PFKFB3: variants seen among roughly 807,000 people sequenced by gnomAD.
PFKFB3 encodes the protein 6-phosphofructo-2-kinase/fructose-2,6-biphosphatase 3.
PFKFB3 carries 33 observed loss-of-function variants against 68.0 expected under a neutral mutation model. That is an observed-to-expected ratio of 0.49 (90% CI 0.37 to 0.65). The LOEUF (loss-of-function observed/expected upper bound fraction) is 0.65. Ranked by LOEUF, PFKFB3 falls within the 30% of genes least tolerant of loss-of-function variation. PFKFB3 has a pLI of 0.00. For missense variants in PFKFB3, 586 were observed against 712.2 expected, an observed-to-expected ratio of 0.82 and a Z score of 2.02; for synonymous variants, 315 against 288.2, an observed-to-expected ratio of 1.09 and a Z score of -0.94.
At chr10:6,256,306 A>T (rs994655089), downstream of PFKFB3, among the ~76,000 whole-genome samples, 1 of 152,190 alleles carries the variant, frequency 6.6e-6, no homozygotes, top group African/African-American at 2.4e-5. Flanking sequence ...GTTTTGGGAT[A>T]GGAAGTGGCA....
At chr10:6,283,825 G>A in the PFKFB3 span, among the ~76,000 whole-genome samples, 16 of 152,156 alleles carry the variant, frequency 1.1e-4, no homozygotes, top group East Asian at 1.9e-3. Context: ...AGCGAACACT[G>A]CAGGCAGGAT....
the PFKFB3 span, among the ~76,000 whole-genome samples, chr10:6,317,572 T>TGAGTTTGAGCTCTCA: frequency 6.6e-6 from 1 of 152,174 alleles, no homozygotes; most frequent in Admixed American, 6.5e-5. Context: ...GAGTTATTCA[T>TGAGTTTGAGCTCTCA]GAGTTTGAGC....
the PFKFB3 span, among the ~76,000 whole-genome samples, chr10:6,298,616 T>C: frequency 2.0e-5 from 3 of 152,182 alleles, no homozygotes; most frequent in Admixed American, 6.5e-5. Context: ...TCCTCCTGCC[T>C]CGGCCTCCCA....
At chr10:6,223,927 TCTAA>T in intron 11 of PFKFB3, 27 bp from the exon 12 acceptor site, 1 of 1,605,192 alleles carries the variant, frequency 6.2e-7, no homozygotes, top group South Asian at 1.1e-5. Flanking sequence ...GTGTCTCATT[TCTAA>T]CTGTGGGTGT....
At chr10:6,231,614 G>A (rs1455570028) in intron 14 of PFKFB3, 2 of 982,976 alleles carry the variant, frequency 2.0e-6, no homozygotes, top group African/African-American at 3.5e-5. Context: ...AGGACAGGTT[G>A]GAGCCAGCAG....
the PFKFB3 span, among the ~76,000 whole-genome samples, chr10:6,274,315 C>T: frequency 7.2e-3 from 1,091 of 152,270 alleles, 4 homozygotes; most frequent in Middle Eastern, 0.017. Context: ...TGTGCTGTAG[C>T]CCCTCTGGTC....
At chr10:6,168,904 G>A (rs561240641) in intron 1 of PFKFB3, among the ~76,000 whole-genome samples, 18 of 152,240 alleles carry the variant, frequency 1.2e-4, no homozygotes, top group South Asian at 4.2e-4. Context: ...GTGGTCCTTC[G>A]TTGAATGCCT....
chr10:6,304,669 T>C, the PFKFB3 span, among the ~76,000 whole-genome samples: 9,014 of 148,740 alleles, frequency 0.061, 825 homozygotes, highest in East Asian at 0.4. Flanking sequence ...CTATTCTAAA[T>C]TAAAAATATT....
At chr10:6,181,796 TAAAA>T (rs60557537) in intron 1 of PFKFB3, among the ~76,000 whole-genome samples, 80 of 114,154 alleles carry the variant, frequency 7.0e-4, no homozygotes, top group Non-Finnish European at 9.3e-4. Flanking sequence ...AGACTCCGTT[TAAAA>T]AAAAAAAAAA....
chr10:6,277,777 C>A, the PFKFB3 span: 1 of 425,676 alleles, frequency 2.3e-6, no homozygotes, highest in Non-Finnish European at 4.8e-6. Flanking sequence ...GCCAATGAAA[C>A]CTCTTTTCTT....
At chr10:6,185,932 G>A (rs569909468) in intron 1 of PFKFB3, among the ~76,000 whole-genome samples, 4 of 152,138 alleles carry the variant, frequency 2.6e-5, no homozygotes, top group African/African-American at 9.6e-5. Context: ...GAGCCACCGC[G>A]CCTGGCCCCT....
intron 1 of PFKFB3, among the ~76,000 whole-genome samples, chr10:6,204,506 C>G (rs4750075): frequency 0.16 from 24,987 of 152,242 alleles, 2,099 homozygotes; most frequent in East Asian, 0.18. Flanking sequence ...CCAGACCTGC[C>G]CCTCTCCCCA....
chr10:6,299,909 C>T, the PFKFB3 span, among the ~76,000 whole-genome samples: 5 of 142,490 alleles, frequency 3.5e-5, no homozygotes, highest in African/African-American at 1.0e-4. Flanking sequence ...TTTAAGGCGT[C>T]GATTTGGACT....
the PFKFB3 span, among the ~76,000 whole-genome samples, chr10:6,283,713 C>A: frequency 6.6e-6 from 1 of 152,196 alleles, no homozygotes; most frequent in African/African-American, 2.4e-5. Flanking sequence ...TGTGGACCCC[C>A]AGATTGAAGT....
At chr10:6,200,565 G>A (rs962196204), upstream of PFKFB3, among the ~76,000 whole-genome samples, 3 of 151,446 alleles carry the variant, frequency 2.0e-5, no homozygotes, top group African/African-American at 7.3e-5. Context: ...TGTAAAGGCT[G>A]CCAGGAGTTC....
intron 14 of PFKFB3, among the ~76,000 whole-genome samples, chr10:6,248,488 G>C (rs1024770007): frequency 6.6e-6 from 1 of 151,988 alleles, no homozygotes; most frequent in African/African-American, 2.4e-5. Context: ...AATTAGCTGG[G>C]TGTGGTGGCA....
At position 6,215,454 on chromosome 10, in the gene PFKFB3, C is replaced by A; in HGVS notation, c.299+137C>A. On this transcript the variant is annotated intron_variant, in intron 3 of 14. Coordinates refer to ENST00000379775, the MANE Select transcript of PFKFB3 (RefSeq NM_004566.4). The surrounding 1 kb of genome is among the most constrained non-coding windows in gnomAD (Gnocchi z 4.3). Reference sequence around the variant, plus strand: ...GGAATAAGGCTGGGCTGCGGGGCTGCGGGTGTAAGGCTGGGCTGCGGGCTT... The same window carrying A: ...GGAATAAGGCTGGGCTGCGGGGCTGAGGGTGTAAGGCTGGGCTGCGGGCTT... The A allele has an allele frequency of 3.0e-6, 2 of 677,952 alleles. No homozygotes were observed. The highest frequency in any genetic ancestry group is 2.2e-5 in the Admixed American group (1 of 46,274). 42.0% of individuals were successfully genotyped at this position (677,952 alleles called of 1,614,324 possible). A position where few individuals can be genotyped will look rare whatever the true frequency, so the allele number is the denominator to read the frequency against.
downstream of PFKFB3, among the ~76,000 whole-genome samples, chr10:6,237,406 C>A (rs17152391): frequency 0.054 from 8,188 of 151,924 alleles, 367 homozygotes; most frequent in African/African-American, 0.12. Flanking sequence ...GTGAGGCGTT[C>A]ATTCAGCTTG....
At position 6,216,211 on chromosome 10, in the gene PFKFB3, C is replaced by T. The variant is rs779626957; in HGVS notation, c.366+20C>T. 3.7e-6 allele frequency: 6 copies of T among 1,610,850 alleles called. No homozygotes were observed. The highest frequency in any genetic ancestry group is 5.1e-6 in the Non-Finnish European group (6 of 1,177,168). The stretch of plus-strand genomic sequence containing the variant: ...ATTGCGGTAAGTCCAGGCAATGTAG[C>T]CGGCTCGGTGTCCAGTCCCACCCAT... On this transcript the variant is annotated intron_variant, in intron 4 of 14. Transcript: ENST00000379775.
Sources: gnomAD v4.1 joint callset for allele counts (sites outside exome capture counted in the v4.1 genomes callset) on GRCh38, gnomAD v4.1.1 for gene constraint, Gnocchi (gnomAD v3.1) non-coding constraint, MANE v1.5 for transcripts, NCBI Gene and HGNC (gene_info 2026-07-23, HGNC 2026-07-21) for gene names.